CACNA2D3: variants seen among roughly 807,000 people sequenced by gnomAD.
CACNA2D3 encodes calcium voltage-gated channel auxiliary subunit alpha2delta 3, also known as voltage-dependent calcium channel subunit alpha-2/delta-3.
CACNA2D3 carries 60 observed loss-of-function variants against 160.6 expected under a neutral mutation model. That is an observed-to-expected ratio of 0.37 (90% CI 0.30 to 0.46). The LOEUF (loss-of-function observed/expected upper bound fraction) is 0.46, where lower values mean the gene tolerates loss of function less well. CACNA2D3 is among the 20% of genes least tolerant of loss of function. The pLI is 1.00. For missense variants in CACNA2D3, 1,205 were observed against 1,365.0 expected, an observed-to-expected ratio of 0.88 and a Z score of 1.85; for synonymous variants, 558 against 492.9, an observed-to-expected ratio of 1.13 and a Z score of -1.75.
At chr3:54,818,279 G>A (rs2106716401) in intron 14 of CACNA2D3, among the ~76,000 whole-genome samples, 1 of 152,294 alleles carries the variant, frequency 6.6e-6, no homozygotes, top group African/African-American at 2.4e-5. Flanking sequence ...CACCTCCCGG[G>A]TTCAATCGAT....
intron 2 of CACNA2D3, among the ~76,000 whole-genome samples, chr3:54,240,810 C>T (rs1032137117): frequency 7.2e-5 from 11 of 152,108 alleles, no homozygotes; most frequent in African/African-American, 2.2e-4. Context: ...GGTGCGATCT[C>T]GGCTCACTGC....
chr3:54,925,723 C>T (rs1163202476), intron 27 of CACNA2D3, among the ~76,000 whole-genome samples: 7 of 152,256 alleles, frequency 4.6e-5, no homozygotes, highest in Non-Finnish European at 1.0e-4. Context: ...GTGTGGCTAC[C>T]GAGCTCTTGA....
intron 35 of CACNA2D3, among the ~76,000 whole-genome samples, chr3:55,033,251 C>T (rs1302727795): frequency 6.6e-6 from 1 of 152,116 alleles, no homozygotes; most frequent in Non-Finnish European, 1.5e-5. Context: ...AATTTAAAAA[C>T]AACTATTAAC....
chr3:54,353,393 T>G (rs58521503), intron 3 of CACNA2D3, among the ~76,000 whole-genome samples: 188 of 152,212 alleles, frequency 1.2e-3, no homozygotes, highest in African/African-American at 4.4e-3. Flanking sequence ...AATCTCACCT[T>G]TGCCCCCTGC....
intron 21 of CACNA2D3, among the ~76,000 whole-genome samples, 192 bp downstream of exon 21, chr3:54,881,055 T>C (rs1240647480): frequency 6.6e-6 from 1 of 152,194 alleles, no homozygotes; most frequent in Non-Finnish European, 1.5e-5. Context: ...GATTTCAGAA[T>C]GACAGGAGTT....
intron 2 of CACNA2D3, among the ~76,000 whole-genome samples, chr3:54,168,386 G>C (rs1315259796): frequency 6.6e-6 from 1 of 152,198 alleles, no homozygotes; most frequent in Non-Finnish European, 1.5e-5. Context: ...TACCTGCTTG[G>C]AGTGCTTATC....
intron 2 of CACNA2D3, among the ~76,000 whole-genome samples, chr3:54,315,211 T>A (rs200902824): frequency 6.6e-6 from 1 of 152,176 alleles, no homozygotes; most frequent in East Asian, 1.9e-4. Context: ...CAGGGCCCCC[T>A]CCAGAATGGG....
intron 4 of CACNA2D3, among the ~76,000 whole-genome samples, chr3:54,476,749 A>G (rs75784102): frequency 0.019 from 2,962 of 152,178 alleles, 77 homozygotes; most frequent in East Asian, 0.11. Context: ...TTTTTAAACT[A>G]GGTTGTTTGT....
chr3:54,759,597 C>T (rs1423512869), intron 12 of CACNA2D3, among the ~76,000 whole-genome samples: 1 of 151,786 alleles, frequency 6.6e-6, no homozygotes, highest in Non-Finnish European at 1.5e-5. Flanking sequence ...TTTATCTTTT[C>T]TTACCTTTTT....
chr3:54,718,086 T>A (rs966047731), intron 11 of CACNA2D3, among the ~76,000 whole-genome samples: 2 of 152,230 alleles, frequency 1.3e-5, no homozygotes, highest in African/African-American at 4.8e-5. Context: ...TCTCATGATA[T>A]ACTTTTTTTA....
chr3:54,520,545 C>T (rs1272903891), intron 5 of CACNA2D3, among the ~76,000 whole-genome samples: 1 of 152,210 alleles, frequency 6.6e-6, no homozygotes, highest in East Asian at 1.9e-4. Context: ...AGGCTCTCAT[C>T]TCAGTCACTT....
chr3:55,058,210 A>C (rs1704413419), intron 35 of CACNA2D3, among the ~76,000 whole-genome samples: 1 of 152,220 alleles, frequency 6.6e-6, no homozygotes. Flanking sequence ...CAGAACCCAA[A>C]GTATAGCAGA....
intron 11 of CACNA2D3, among the ~76,000 whole-genome samples, chr3:54,751,449 G>T (rs772983157): frequency 6.8e-6 from 1 of 147,236 alleles, no homozygotes; most frequent in Non-Finnish European, 1.5e-5. Flanking sequence ...TCCACTGTAA[G>T]CGTTTTTTGT....
chr3:55,064,503 T>C (rs556182223), intron 35 of CACNA2D3, among the ~76,000 whole-genome samples: 15 of 152,280 alleles, frequency 9.9e-5, no homozygotes, highest in Non-Finnish European at 2.1e-4. Flanking sequence ...CAACTGTACA[T>C]GAGGCAAGCC....
chr3:54,687,141 T>TTTTTTTTTTTTTTTTTTTTTTTTTTTG (rs1700475713), intron 11 of CACNA2D3, among the ~76,000 whole-genome samples: 1 of 72,304 alleles, frequency 1.4e-5, no homozygotes, highest in South Asian at 3.5e-4. Context: ...TTTTGTTTTT[T>TTTTTTTTTTTTTTTTTTTTTTTTTTTG]TTTTTTTTTG....
intron 4 of CACNA2D3, among the ~76,000 whole-genome samples, chr3:54,400,694 G>T (rs541282976): frequency 8.5e-5 from 13 of 152,226 alleles, no homozygotes; most frequent in Non-Finnish European, 1.8e-4. Context: ...TAGGAGCTTA[G>T]AGTCACCATG....
At position 55,002,420 on chromosome 3, in the gene CACNA2D3, G is replaced by A. The variant is rs545075230; in HGVS notation, c.2691-2343G>A. ...CTGTAGAAATCTCCTGAGTGAGGAT[G>A]GAGATGGTGGCCTGGCGGGCCAGTC... On this transcript the variant is annotated intron_variant, in intron 31 of 37. Transcript: ENST00000474759. Among the ~76,000 whole-genome samples, 35 of 152,346 alleles carry A rather than the reference G, an allele frequency of 2.3e-4. No homozygotes were observed. In the South Asian group the frequency reaches 6.8e-3, roughly 30 times the overall value.
At chr3:54,563,670 A>C (rs193278891) in intron 6 of CACNA2D3, among the ~76,000 whole-genome samples, 1 of 152,216 alleles carries the variant, frequency 6.6e-6, no homozygotes, top group African/African-American at 2.4e-5. Flanking sequence ...AACTGTGCCA[A>C]CATCACAGCT....
intron 27 of CACNA2D3, among the ~76,000 whole-genome samples, chr3:54,950,405 C>T (rs1701729207): frequency 6.6e-6 from 1 of 152,174 alleles, no homozygotes; most frequent in Admixed American, 6.5e-5. Context: ...ACCCCCTCCT[C>T]ATTTTAGGGA....
Sources: gnomAD v4.1 joint callset for allele counts (sites outside exome capture counted in the v4.1 genomes callset) on GRCh38, gnomAD v4.1.1 for gene constraint, MANE v1.5 for transcripts, NCBI Gene and HGNC (gene_info 2026-07-23, HGNC 2026-07-21) for gene names.